Variants in RECK observed in about 807,000 individuals in gnomAD.
The protein encoded by RECK is reversion-inducing cysteine-rich protein with Kazal motifs.
RECK carries 69 observed loss-of-function variants against 115.1 expected under a neutral mutation model. The observed-to-expected ratio is 0.60, with a 90% CI of 0.49 to 0.73. The LOEUF (loss-of-function observed/expected upper bound fraction) is 0.73, where lower values mean the gene tolerates loss of function less well. Ranked by LOEUF, RECK falls within the 30% of genes least tolerant of loss-of-function variation. RECK has a pLI of 0.00. For synonymous variants in RECK, 414 were observed against 419.7 expected, an observed-to-expected ratio of 0.99 and a Z score of 0.17; for missense variants, 1,047 against 1,203.7, an observed-to-expected ratio of 0.87 and a Z score of 1.93.
chr9:36,051,371 G>A (rs1241647275), intron 1 of RECK, among the ~76,000 whole-genome samples: 1 of 152,108 alleles, frequency 6.6e-6, no homozygotes, highest in Admixed American at 6.5e-5. Flanking sequence ...TTACTACTTT[G>A]TTTCCTTCCC....
chr9:36,061,040 C>T (rs181772809), intron 4 of RECK, among the ~76,000 whole-genome samples: 3 of 152,236 alleles, frequency 2.0e-5, no homozygotes, highest in East Asian at 3.9e-4. Flanking sequence ...TTCTTACACT[C>T]GTGGGATAGA....
chr9:36,049,127 G>A (rs145650789), intron 1 of RECK, among the ~76,000 whole-genome samples: 315 of 152,306 alleles, frequency 2.1e-3, no homozygotes, highest in Non-Finnish European at 3.5e-3. Flanking sequence ...GGAATGCAGA[G>A]CTTCTATGTC....
At chr9:36,113,271 T>C (rs1164558421) in intron 16 of RECK, among the ~76,000 whole-genome samples, 1 of 152,220 alleles carries the variant, frequency 6.6e-6, no homozygotes, top group Non-Finnish European at 1.5e-5. Context: ...AATGCCACAG[T>C]GCTTTCCTAA....
intron 2 of RECK, among the ~76,000 whole-genome samples, chr9:36,058,559 G>A (rs1821627060): frequency 2.1e-5 from 3 of 141,886 alleles, no homozygotes; most frequent in Admixed American, 1.4e-4. Flanking sequence ...GCTAGATGAC[G>A]AGTTAGTGGG....
At chr9:36,046,864 C>T (rs1191975387) in intron 1 of RECK, among the ~76,000 whole-genome samples, 2 of 152,006 alleles carry the variant, frequency 1.3e-5, no homozygotes, top group Non-Finnish European at 1.5e-5. Context: ...ATAGATTTGA[C>T]CTTCACCATT....
rs145051166 is a variant in RECK at position 36,105,655 on chromosome 9, A to G, written c.1576+372A>G. On this transcript the variant is annotated intron_variant, in intron 13 of 20. Coordinates refer to ENST00000377966, the MANE Select transcript of RECK (RefSeq NM_021111.3). ...CTTCTATGTTGTAATGTTTGAAAAA[A>G]AATACTCTACATTGTTCATGTTTTT... 5.3e-3 allele frequency among the ~76,000 whole-genome samples: 812 copies of G among 152,322 alleles called. 7 individuals are homozygous for G. The highest frequency in any genetic ancestry group is 0.019 in the African/African-American group (775 of 41,566).
intron 1 of RECK, among the ~76,000 whole-genome samples, chr9:36,040,814 T>G (rs1588258233): frequency 1.8e-5 from 2 of 113,408 alleles, no homozygotes; most frequent in African/African-American, 1.2e-4. Flanking sequence ...ACTCATAGGT[T>G]TTTTTTTTAA....
At chr9:36,105,518 A>G (rs1490441369) in intron 13 of RECK, among the ~76,000 whole-genome samples, 2 of 152,202 alleles carry the variant, frequency 1.3e-5, no homozygotes, top group Non-Finnish European at 2.9e-5. Context: ...GTAATCCTCC[A>G]TTGTTATTTA....
intron 9 of RECK, among the ~76,000 whole-genome samples, chr9:36,090,724 T>C (rs768884677): frequency 9.2e-5 from 14 of 152,214 alleles, no homozygotes; most frequent in Non-Finnish European, 1.6e-4. Context: ...AAGTCTATCA[T>C]GCTTCTTAAA....
chr9:36,068,703 A>G (rs1256234986), intron 6 of RECK, among the ~76,000 whole-genome samples: 2 of 152,190 alleles, frequency 1.3e-5, no homozygotes, highest in Non-Finnish European at 2.9e-5. Flanking sequence ...AATCTAAGTG[A>G]AATCCCCTTC....
chr9:36,121,368 A>G (rs770146952), intron 19 of RECK, among the ~76,000 whole-genome samples, 165 bp from the exon 20 acceptor site: 1 of 152,152 alleles, frequency 6.6e-6, no homozygotes, highest in Non-Finnish European at 1.5e-5. Flanking sequence ...CCCCATTGTG[A>G]TGGACTGGAG....
intron 6 of RECK, among the ~76,000 whole-genome samples, chr9:36,066,246 A>G (rs991722203): frequency 1.3e-5 from 2 of 152,156 alleles, no homozygotes; most frequent in African/African-American, 4.8e-5. Context: ...TGTGCCTGAT[A>G]TGAAAAAACC....
At chr9:36,103,237 C>CA (rs2132654019) in intron 12 of RECK, among the ~76,000 whole-genome samples, 1 of 152,264 alleles carries the variant, frequency 6.6e-6, no homozygotes, top group Admixed American at 6.5e-5. Context: ...CAAAGGTAGA[C>CA]AGTGAAGTCA....
intron 6 of RECK, among the ~76,000 whole-genome samples, chr9:36,073,663 T>G (rs1822334706): frequency 6.6e-6 from 1 of 152,216 alleles, no homozygotes; most frequent in East Asian, 1.9e-4. Flanking sequence ...GTTGCTTCCC[T>G]GTAGAACACA....
intron 1 of RECK, among the ~76,000 whole-genome samples, chr9:36,042,385 A>G (rs1301194251): frequency 1.3e-5 from 2 of 151,020 alleles, no homozygotes; most frequent in Non-Finnish European, 2.9e-5. Context: ...TGCAAATGCC[A>G]TTATTTCATT....
In RECK at chr9:36,118,979, G is replaced by C. The variant is rs377235782; in HGVS notation, c.2464+12G>C. Reference sequence around the variant, plus strand: ...CATCATCCCACCGGGTAGGCTGGCAGTATCGGGGTGGACAGGGGAGGACTG... The same window carrying C: ...CATCATCCCACCGGGTAGGCTGGCACTATCGGGGTGGACAGGGGAGGACTG... On this transcript the variant is annotated intron_variant, in intron 18 of 20. Transcript: ENST00000377966. 2.5e-6 allele frequency: 4 copies of C among 1,610,362 alleles called. No homozygotes were observed. In the African/African-American group the frequency reaches 5.3e-5, roughly 22 times the overall value.
intron 10 of RECK, among the ~76,000 whole-genome samples, chr9:36,093,599 T>C (rs1823241139): frequency 6.6e-6 from 1 of 151,962 alleles, no homozygotes; most frequent in African/African-American, 2.4e-5. Context: ...ATAGAAACTA[T>C]CTAAACCAAA....
chr9:36,048,025 T>TA (rs1184802781), intron 1 of RECK, among the ~76,000 whole-genome samples: 4 of 150,876 alleles, frequency 2.7e-5, no homozygotes, highest in Admixed American at 6.6e-5. Context: ...TACTTTTCAA[T>TA]AAAAAAAGTT....
Position 36,121,705 on chromosome 9 carries a change from T to G in RECK, c.2694+17T>G. The stretch of plus-strand genomic sequence containing the variant: ...GCTCTGCAGGTGAGTTCAGCACATG[T>G]TGTGAAGCCATCTTGTCACTTTCAA... On this transcript the variant is annotated intron_variant, in intron 20 of 20. Coordinates refer to ENST00000377966, the MANE Select transcript of RECK (RefSeq NM_021111.3). The G allele has an allele frequency of 6.2e-7, 1 of 1,610,596 alleles. No individual in the cohort carries two copies.
Sources: gnomAD v4.1 joint callset for allele counts (sites outside exome capture counted in the v4.1 genomes callset) on GRCh38, gnomAD v4.1.1 for gene constraint, MANE v1.5 for transcripts, NCBI Gene and HGNC (gene_info 2026-07-23, HGNC 2026-07-21) for gene names.